ELAVL4: variants seen among roughly 807,000 people sequenced by gnomAD.
ELAVL4 encodes ELAV-like protein 4.
ELAVL4 carries 1 observed loss-of-function variant against 35.6 expected under a neutral mutation model. The ratio of observed to expected loss-of-function variants is 0.03; its 90% CI spans 0.01 to 0.13. The LOEUF is 0.13. Among genes scored for constraint, ELAVL4 ranks in the 10% least tolerant of loss-of-function variants. ELAVL4 has a pLI of 1.00. For synonymous variants in ELAVL4, 156 were observed against 171.0 expected (o/e 0.91, Z 0.69); for missense variants, 267 against 464.9 (o/e 0.57, Z 3.91).
chr1:50,136,305 GATGCAGTAGTCTGGGCT>G (rs1463095025), intron 1 of ELAVL4, among the ~76,000 whole-genome samples: 1 of 152,148 alleles, frequency 6.6e-6, no homozygotes, highest in African/African-American at 2.4e-5. Context: ...AGGTGGGTGA[GATGCAGTAGTCTGGGCT>G]ATTGCATCCA....
intron 1 of ELAVL4, 130 bp from the exon 2 acceptor site, chr1:50,144,827 C>A: frequency 7.0e-7 from 1 of 1,419,928 alleles, no homozygotes; most frequent in Non-Finnish European, 9.8e-7. Context: ...GCTGTGTTCA[C>A]AACCCAGTCT....
intron 1 of ELAVL4, among the ~76,000 whole-genome samples, chr1:50,088,205 A>G (rs1665334653): frequency 6.6e-6 from 1 of 152,198 alleles, no homozygotes; most frequent in African/African-American, 2.4e-5. Context: ...TCACTGAACC[A>G]GGAGTGAAGG....
chr1:50,110,079 T>G, intron 1 of ELAVL4: 1 of 1,358,384 alleles, frequency 7.4e-7, no homozygotes, highest in Non-Finnish European at 1.0e-6. Context: ...TAAATCACTG[T>G]GCTGATCGTT....
chr1:50,057,366 A>G (rs1011430928), intron 1 of ELAVL4, among the ~76,000 whole-genome samples: 5 of 152,194 alleles, frequency 3.3e-5, no homozygotes, highest in African/African-American at 1.2e-4. Flanking sequence ...ATTTATTATT[A>G]AAAGAAAAAA....
intron 1 of ELAVL4, among the ~76,000 whole-genome samples, chr1:50,110,842 C>T (rs1485103076): frequency 6.6e-6 from 1 of 151,930 alleles, no homozygotes; most frequent in Non-Finnish European, 1.5e-5. Context: ...AAGATTAGAC[C>T]GAGCAGCCCA....
chr1:50,075,205 A>G (rs1343012063), intron 1 of ELAVL4, among the ~76,000 whole-genome samples: 1 of 152,188 alleles, frequency 6.6e-6, no homozygotes, highest in Non-Finnish European at 1.5e-5. Context: ...AGACAGCTAG[A>G]AAGAGATCAC....
rs76549932 is a variant in ELAVL4, at chr1:50,053,389, C to T, written c.18+5207C>T. On this transcript the variant is annotated intron_variant, in intron 1 of 6. Transcript: ENST00000448907. ...TTTTTGAGACGGTCTTGCTCTGTCA[C>T]CCAAACTGGAGTGTAGTGGCATGGT... Among the ~76,000 whole-genome samples, 116 of 152,256 alleles carry T rather than the reference C, an allele frequency of 7.6e-4. 5 individuals are homozygous for T. The East Asian group carries it at 0.019, about 25-fold the overall frequency.
chr1:50,109,188 G>A lies in ELAVL4; in HGVS notation c.-2G>A. On this transcript the variant is annotated 5_prime_UTR_variant, in exon 1 of 7. Transcript: ENST00000371824. ...TGCGAGACCCAATATTTGCCAATAAGAATGGTTATGGTAGGTATGACTAGA... is the reference window on the plus strand; with the variant it reads ...TGCGAGACCCAATATTTGCCAATAAAAATGGTTATGGTAGGTATGACTAGA... 1 of 1,612,158 alleles carries A rather than the reference G, an allele frequency of 6.2e-7. No individual in the cohort carries two copies. The highest frequency in any genetic ancestry group is 8.5e-7 in the Non-Finnish European group (1 of 1,179,090).
At chr1:50,106,422 C>G (rs1372012121), upstream of ELAVL4, 3 of 1,572,216 alleles carry the variant, frequency 1.9e-6, no homozygotes, top group Non-Finnish European at 8.7e-7. Flanking sequence ...CGCTGGCAGC[C>G]CCACAGTGCT....
chr1:50,177,337 G>C, intron 3 of ELAVL4, 145 bp downstream of exon 3: 1 of 655,884 alleles, frequency 1.5e-6, no homozygotes, highest in Non-Finnish European at 2.7e-6. Context: ...TACTAAATGG[G>C]AGACACAGAG....
intron 1 of ELAVL4, among the ~76,000 whole-genome samples, chr1:50,120,977 T>C (rs954011708): frequency 6.6e-6 from 1 of 152,080 alleles, no homozygotes; most frequent in African/African-American, 2.4e-5. Flanking sequence ...AAAGCATGCT[T>C]GTCTTGACTG....
intron 1 of ELAVL4, chr1:50,048,189 G>A (rs1190136555): frequency 1.3e-6 from 2 of 1,520,670 alleles, no homozygotes; most frequent in Non-Finnish European, 1.8e-6. Context: ...CCAGGTAGAA[G>A]CGCCTCGGCG....
chr1:50,104,478 G>A (rs1666155987), upstream of ELAVL4, among the ~76,000 whole-genome samples: 1 of 152,184 alleles, frequency 6.6e-6, no homozygotes, highest in South Asian at 2.1e-4. Flanking sequence ...TATATGCAAG[G>A]AGGTTAAATG....
At chr1:50,138,205 C>T (rs535451782) in intron 1 of ELAVL4, among the ~76,000 whole-genome samples, 4 of 152,112 alleles carry the variant, frequency 2.6e-5, no homozygotes, top group East Asian at 1.9e-4. Context: ...CTAAACTTTC[C>T]TATCAAGAAG....
chr1:50,134,081 T>C (rs1040420326), intron 1 of ELAVL4, among the ~76,000 whole-genome samples: 1 of 152,164 alleles, frequency 6.6e-6, no homozygotes, highest in Non-Finnish European at 1.5e-5. Flanking sequence ...AAATAAAATA[T>C]ATTTCTATGT....
intron 1 of ELAVL4, among the ~76,000 whole-genome samples, chr1:50,086,547 G>A: frequency 6.6e-6 from 1 of 150,772 alleles, no homozygotes; most frequent in East Asian, 2.0e-4. Flanking sequence ...GAACCCTTTA[G>A]CATACTAATA....
At chr1:50,160,740 T>C (rs926668048) in intron 2 of ELAVL4, among the ~76,000 whole-genome samples, 1 of 152,242 alleles carries the variant, frequency 6.6e-6, no homozygotes, top group Non-Finnish European at 1.5e-5. Flanking sequence ...GTGAGAGCCA[T>C]AAATGTCTTT....
At chr1:50,102,608 A>G (rs1666045982), upstream of ELAVL4, among the ~76,000 whole-genome samples, 1 of 152,230 alleles carries the variant, frequency 6.6e-6, no homozygotes, top group Non-Finnish European at 1.5e-5. Context: ...TAAACTGACC[A>G]AACACTATAT....
chr1:50,055,812 A>C (rs1572098948), intron 1 of ELAVL4, among the ~76,000 whole-genome samples: 1 of 152,116 alleles, frequency 6.6e-6, no homozygotes, highest in South Asian at 2.1e-4. Context: ...AAAGTTTTGA[A>C]GTTGTGCTGA....
Sources: allele counts gnomAD v4.1 joint callset (sites outside exome capture counted in the v4.1 genomes callset), GRCh38; gene constraint gnomAD v4.1.1; transcripts MANE v1.5; gene names NCBI Gene and HGNC (gene_info 2026-07-23, HGNC 2026-07-21).